The following SPAG9 variants were observed in gnomAD, a reference collection of about 807,000 sequenced individuals.
The protein encoded by SPAG9 is C-Jun-amino-terminal kinase-interacting protein 4.
In SPAG9, 35 loss-of-function variants were observed where a neutral mutation model predicts 166.5. That is an observed-to-expected ratio of 0.21 (90% CI 0.16 to 0.28). The LOEUF is 0.28. Among genes scored for constraint, SPAG9 ranks in the 10% least tolerant of loss-of-function variants. The pLI, the probability that SPAG9 is intolerant of heterozygous loss-of-function variation, is 1.00. For missense variants in SPAG9, 1,235 were observed against 1,603.3 expected (o/e 0.77, Z 3.92); for synonymous variants, 534 against 565.5 (o/e 0.94, Z 0.79).
At chr17:51,025,484 C>A (rs916057371) in intron 6 of SPAG9, among the ~76,000 whole-genome samples, 1 of 146,140 alleles carries the variant, frequency 6.8e-6, no homozygotes, top group Admixed American at 6.8e-5. Context: ...AAAAAAAAAA[C>A]TGACAGTATT....
At chr17:51,046,864 T>C in intron 4 of SPAG9, 1 of 1,529,400 alleles carries the variant, frequency 6.5e-7, no homozygotes. Flanking sequence ...GAGCTGCTGC[T>C]CCTAGCATTT....
At chr17:51,057,726 T>C (rs2144525565) in intron 2 of SPAG9, among the ~76,000 whole-genome samples, 1 of 152,334 alleles carries the variant, frequency 6.6e-6, no homozygotes, top group Non-Finnish European at 1.5e-5. Context: ...GCTCATTACA[T>C]TTGCACCAGA....
intron 9 of SPAG9, among the ~76,000 whole-genome samples, chr17:51,012,903 T>C (rs1251474330): frequency 4.6e-5 from 7 of 151,864 alleles, no homozygotes; most frequent in South Asian, 4.2e-4. Context: ...TACTCCACCA[T>C]GCCTGGCTAA....
chr17:51,120,720 C>T lies in SPAG9; in HGVS notation c.-64G>A. On this transcript the variant is annotated 5_prime_UTR_variant, in exon 1 of 30. In the 5' UTR this introduces an upstream ATG that the reference lacks. Transcript: ENST00000262013. The surrounding 1 kb of genome is among the most constrained non-coding windows in gnomAD (Gnocchi z 4.7). ...GGCAGAGGGGCGGCACCTGCCCGCA[C>T]GGGACGGACCCGACTCGGGCTGGGA... is the stretch of plus-strand genomic sequence containing the variant. 7.1e-7 allele frequency: 1 copy of T among 1,408,100 alleles called. No individual in the cohort carries two copies. Among genetic ancestry groups the T allele is most frequent in the Non-Finnish European group, 9.5e-7 (1 of 1,047,908 alleles). 87.2% of individuals were successfully genotyped at this position (1,408,100 alleles called of 1,614,324 possible).
intron 15 of SPAG9, among the ~76,000 whole-genome samples, chr17:50,997,922 T>A (rs950024867): frequency 4.0e-5 from 6 of 149,658 alleles, no homozygotes; most frequent in Admixed American, 1.3e-4. Flanking sequence ...ATGAGGCATT[T>A]AAAAAAAAAT....
At chr17:51,096,006 GATAT>G (rs369064263) in intron 1 of SPAG9, among the ~76,000 whole-genome samples, 3 of 88,576 alleles carry the variant, frequency 3.4e-5, no homozygotes, top group African/African-American at 1.5e-4. Context: ...TATATATAGT[GATAT>G]ATATATATAG....
intron 1 of SPAG9, among the ~76,000 whole-genome samples, chr17:51,102,605 C>CGATT (rs1429537117): frequency 6.6e-6 from 1 of 151,578 alleles, no homozygotes; most frequent in Non-Finnish European, 1.5e-5. Flanking sequence ...TGGGTTCAAG[C>CGATT]GATTCTCCTG....
intron 1 of SPAG9, among the ~76,000 whole-genome samples, chr17:51,111,390 A>G (rs1447537964): frequency 6.6e-6 from 1 of 152,230 alleles, no homozygotes; most frequent in Non-Finnish European, 1.5e-5. Flanking sequence ...CCTGAGAAGC[A>G]AAGTTCAGTA....
At chr17:51,075,920 CCTGTCT>C (rs1261393750) in intron 2 of SPAG9, among the ~76,000 whole-genome samples, 2 of 151,412 alleles carry the variant, frequency 1.3e-5, no homozygotes. Flanking sequence ...ACAGTGAAGC[CCTGTCT>C]CTACTAAAAA....
intron 21 of SPAG9, among the ~76,000 whole-genome samples, chr17:50,989,102 T>A (rs377075746): frequency 3.3e-5 from 5 of 152,246 alleles, no homozygotes; most frequent in South Asian, 2.1e-4. Context: ...TTGACTAATA[T>A]ATAGTCACAC....
intron 5 of SPAG9, among the ~76,000 whole-genome samples, chr17:51,037,680 TATATA>T (rs1284096117): frequency 4.9e-4 from 48 of 98,318 alleles, no homozygotes; most frequent in Middle Eastern, 8.8e-3. Flanking sequence ...TATATATATA[TATATA>T]GTGTGTGTGT....
intron 10 of SPAG9, 142 bp downstream of exon 10, chr17:51,007,127 G>GTT: frequency 1.9e-6 from 1 of 518,808 alleles, no homozygotes; most frequent in African/African-American, 2.0e-5. Context: ...GTGTGTGTGT[G>GTT]TGTGTGTGTG....
chr17:50,969,419 T>C (rs905363300), intron 29 of SPAG9, among the ~76,000 whole-genome samples: 2 of 152,222 alleles, frequency 1.3e-5, no homozygotes, highest in African/African-American at 4.8e-5. Context: ...GCTTCTTATC[T>C]GTTCACACTG....
chr17:51,008,390 A>C (rs1597978337), intron 9 of SPAG9, among the ~76,000 whole-genome samples: 1 of 152,068 alleles, frequency 6.6e-6, no homozygotes, highest in African/African-American at 2.4e-5. Flanking sequence ...ACAAAACAAA[A>C]CAAAAAAAAC....
intron 2 of SPAG9, among the ~76,000 whole-genome samples, chr17:51,062,870 G>A (rs777661122): frequency 1.3e-5 from 2 of 152,138 alleles, no homozygotes; most frequent in African/African-American, 4.8e-5. Context: ...GATTACAGGC[G>A]TGAGCCACCA....
At chr17:51,110,083 T>C (rs932943632) in intron 1 of SPAG9, among the ~76,000 whole-genome samples, 9 of 152,270 alleles carry the variant, frequency 5.9e-5, no homozygotes, top group Non-Finnish European at 1.2e-4. Flanking sequence ...AGGAGATAAA[T>C]ATGTTAAGTA....
intron 5 of SPAG9, among the ~76,000 whole-genome samples, chr17:51,037,682 TA>T (rs2046653845): frequency 1.0e-5 from 1 of 96,328 alleles, no homozygotes; most frequent in Admixed American, 1.1e-4. Context: ...TATATATATA[TA>T]TAGTGTGTGT....
chr17:51,073,776 CAGG>C (rs1236870212), intron 2 of SPAG9, among the ~76,000 whole-genome samples: 3 of 152,294 alleles, frequency 2.0e-5, no homozygotes, highest in East Asian at 3.9e-4. Context: ...ACTCCAATTT[CAGG>C]AGAAGGGAGT....
intron 27 of SPAG9, chr17:50,976,886 G>T: frequency 2.4e-6 from 1 of 414,066 alleles, no homozygotes; most frequent in East Asian, 4.6e-5. Context: ...TTCCTGAACT[G>T]TGAAAATGTT....
Sources: allele counts gnomAD v4.1 joint callset (sites outside exome capture counted in the v4.1 genomes callset), GRCh38; gene constraint gnomAD v4.1.1; non-coding constraint Gnocchi (gnomAD v3.1); transcripts MANE v1.5; gene names NCBI Gene and HGNC (gene_info 2026-07-23, HGNC 2026-07-21).